PCDH15: variants seen among roughly 807,000 people sequenced by gnomAD.
PCDH15 encodes protocadherin related 15.
A neutral mutation model predicts 178.5 loss-of-function variants in PCDH15; 129 were observed. The ratio of observed to expected loss-of-function variants is 0.72; its 90% CI spans 0.63 to 0.84. The LOEUF is 0.84. PCDH15 is among the 40% of genes least tolerant of loss of function. The probability of loss-of-function intolerance (pLI) is 0.00; values close to 1 mark genes in which losing one functional copy is unlikely to be tolerated. For synonymous variants in PCDH15, 800 were observed against 732.0 expected, an observed-to-expected ratio of 1.09 and a Z score of -1.50; for missense variants, 2,230 against 2,099.9, an observed-to-expected ratio of 1.06 and a Z score of -1.21.
chr10:54,903,026 T>G (rs1034183408), intron 2 of PCDH15, among the ~76,000 whole-genome samples: 2 of 152,170 alleles, frequency 1.3e-5, no homozygotes, highest in African/African-American at 4.8e-5. Flanking sequence ...CTTTTATCCT[T>G]GATTTTTCAA....
At chr10:54,325,777 G>A (rs1259885179) in intron 7 of PCDH15, among the ~76,000 whole-genome samples, 1 of 151,780 alleles carries the variant, frequency 6.6e-6, no homozygotes, top group African/African-American at 2.4e-5. Context: ...CAGGTGTGGT[G>A]GTACGTTTGT....
chr10:55,143,661 T>G (rs996389627), intron 2 of PCDH15, among the ~76,000 whole-genome samples: 14 of 151,990 alleles, frequency 9.2e-5, no homozygotes, highest in Non-Finnish European at 8.8e-5. Context: ...AGACTACAGA[T>G]GTGAGGGTTC....
chr10:54,833,749 C>A (rs1324480309), intron 3 of PCDH15, among the ~76,000 whole-genome samples: 1 of 152,116 alleles, frequency 6.6e-6, no homozygotes, highest in Non-Finnish European at 1.5e-5. Context: ...GGATAATACA[C>A]AATGTGATAT....
chr10:54,018,120 A>G (rs939559561), intron 20 of PCDH15, among the ~76,000 whole-genome samples: 1 of 152,022 alleles, frequency 6.6e-6, no homozygotes, highest in Non-Finnish European at 1.5e-5. Context: ...TGTAGTCCCT[A>G]TAATATGAGA....
At chr10:55,368,393 C>G (rs1195286221) in intron 2 of PCDH15, among the ~76,000 whole-genome samples, 1 of 150,266 alleles carries the variant, frequency 6.7e-6, no homozygotes, top group Non-Finnish European at 1.5e-5. Context: ...TTAAAAATAA[C>G]CACATATAAA....
chr10:54,023,056 C>T lies in PCDH15; in HGVS notation c.2362G>A (p.Val788Ile). The change falls in exon 19 of 38, where the codon GTT becomes ATT. Residue 788 changes from valine to isoleucine, a missense_variant. Val to Ile is a conservative substitution (Grantham distance 29). Coordinates refer to ENST00000644397, the MANE Select transcript of PCDH15 (RefSeq NM_001384140.1). Reference sequence around the variant, plus strand: ...ACTGCTCCATCTGTTGCCACAACAACAAGTTCATAGTAGTCCCTGACTTCT... The same window carrying T: ...ACTGCTCCATCTGTTGCCACAACAATAAGTTCATAGTAGTCCCTGACTTCT... The part of the protein sequence containing the change: ...NREVRDYYEL[V>I]VVATDGAVHP... 6.2e-7 allele frequency: 1 copy of T among 1,613,958 alleles called. No individual in the cohort carries two copies. The highest frequency in any genetic ancestry group is 8.5e-7 in the Non-Finnish European group (1 of 1,179,884).
intron 1 of PCDH15, among the ~76,000 whole-genome samples, chr10:54,675,335 C>T (rs558209765): frequency 1.3e-5 from 2 of 151,726 alleles, no homozygotes; most frequent in African/African-American, 2.4e-5. Context: ...TACTTTACTA[C>T]TTATTAATTT....
At chr10:54,054,978 A>C (rs889803701) in intron 18 of PCDH15, among the ~76,000 whole-genome samples, 4 of 152,218 alleles carry the variant, frequency 2.6e-5, no homozygotes, top group African/African-American at 7.2e-5. Flanking sequence ...ATAAGAAATC[A>C]CCATAATGCT....
intron 13 of PCDH15, among the ~76,000 whole-genome samples, chr10:54,170,664 T>C (rs572485924): frequency 2.0e-5 from 3 of 151,984 alleles, no homozygotes; most frequent in South Asian, 2.1e-4. Flanking sequence ...TGTATCCCTC[T>C]GATCCACCTG....
intron 1 of PCDH15, among the ~76,000 whole-genome samples, chr10:54,752,261 A>G (rs11004542): frequency 0.5 from 74,307 of 149,542 alleles, 18,986 homozygotes; most frequent in Middle Eastern, 0.67. Flanking sequence ...CAGATCATGA[A>G]GTCAGGAGAT....
At chr10:54,581,051 G>T (rs1174637122) in intron 2 of PCDH15, among the ~76,000 whole-genome samples, 1 of 152,058 alleles carries the variant, frequency 6.6e-6, no homozygotes, top group Non-Finnish European at 1.5e-5. Flanking sequence ...AAGCAAGGAT[G>T]CTCACTTTCA....
At chr10:55,192,545 T>C (rs1474669039) in intron 1 of PCDH15, among the ~76,000 whole-genome samples, 1 of 151,846 alleles carries the variant, frequency 6.6e-6, no homozygotes, top group Non-Finnish European at 1.5e-5. Context: ...TGCAATGTTT[T>C]GGATATTGAA....
chr10:54,381,140 G>C (rs943051535), intron 3 of PCDH15, among the ~76,000 whole-genome samples: 1 of 151,720 alleles, frequency 6.6e-6, no homozygotes, highest in Non-Finnish European at 1.5e-5. Flanking sequence ...AGAGAAGAGA[G>C]CAAAGCTTAG....
At chr10:55,210,618 C>CTTTTTTTTTTTTT (rs11412877) in intron 1 of PCDH15, among the ~76,000 whole-genome samples, 876 of 40,384 alleles carry the variant, frequency 0.022, 125 homozygotes, top group Non-Finnish European at 0.026. Flanking sequence ...TTTTTCTTTT[C>CTTTTTTTTTTTTT]TTTTTTTTTT....
chr10:53,856,117 G>T lies in PCDH15; in HGVS notation c.3806+1058C>A, dbSNP rs891520897. On this transcript the variant is annotated intron_variant, in intron 28 of 37. Coordinates refer to ENST00000644397, the MANE Select transcript of PCDH15 (RefSeq NM_001384140.1). ...TAAAGATGATACAATGGAGTTTGGG[G>T]ACTCAGGGGAAAGGGTGGGATGGAG... 2.6e-5 allele frequency among the ~76,000 whole-genome samples: 4 copies of T among 151,224 alleles called. No homozygotes were observed. The Admixed American group carries it at 2.7e-4, about 10-fold the overall frequency.
rs1458081910 is a variant in PCDH15 at position 54,020,287 on chromosome 10, G to A, written c.2656C>T (p.Pro886Ser). The A allele has an allele frequency of 1.2e-6, 2 of 1,613,744 alleles. No individual in the cohort carries two copies. The highest frequency in any genetic ancestry group is 2.2e-5 in the East Asian group (1 of 44,854). ...LLRSLDYEAF[P>S]DQEASITFLV... ...AAAGTGATACTTGCTTCTTGGTCTGGAAATGCCTCATAATCTAAACTCCTT... is the reference window on the plus strand; with the variant it reads ...AAAGTGATACTTGCTTCTTGGTCTGAAAATGCCTCATAATCTAAACTCCTT... Residue 886 changes from proline (P) to serine (S), a missense_variant, in exon 20 of 38, where the codon CCA becomes TCA. Physicochemically the swap from Pro to Ser is moderately conservative, Grantham distance 74. Coordinates refer to ENST00000644397, the MANE Select transcript of PCDH15 (RefSeq NM_001384140.1).
chr10:55,271,194 T>G (rs1842435445), intron 1 of PCDH15, among the ~76,000 whole-genome samples: 1 of 152,046 alleles, frequency 6.6e-6, no homozygotes, highest in African/African-American at 2.4e-5. Context: ...CTATGTTTCA[T>G]ACCTGGATGC....
At chr10:54,719,064 T>C (rs949336401) in intron 1 of PCDH15, among the ~76,000 whole-genome samples, 2 of 151,582 alleles carry the variant, frequency 1.3e-5, no homozygotes, top group Non-Finnish European at 2.9e-5. Context: ...AAATTAAAAA[T>C]ATTGATTTTA....
At chr10:54,843,099 C>T (rs1953446846) in intron 3 of PCDH15, among the ~76,000 whole-genome samples, 1 of 151,864 alleles carries the variant, frequency 6.6e-6, no homozygotes, top group African/African-American at 2.4e-5. Flanking sequence ...GAGAGCATAC[C>T]CTCAGCAGTA....
Sources: allele counts gnomAD v4.1 joint callset (sites outside exome capture counted in the v4.1 genomes callset), GRCh38; gene constraint gnomAD v4.1.1; transcripts MANE v1.5; gene names NCBI Gene and HGNC (gene_info 2026-07-23, HGNC 2026-07-21).